PIBF1: variants seen among roughly 807,000 people sequenced by gnomAD.
PIBF1 encodes the protein progesterone-induced-blocking factor 1.
A neutral mutation model predicts 112.5 loss-of-function variants in PIBF1; 90 were observed. The observed-to-expected ratio is 0.80, with a 90% confidence interval of 0.67 to 0.95. The LOEUF is 0.95. Among genes scored for constraint, PIBF1 ranks in the 40% least tolerant of loss-of-function variants. PIBF1 has a pLI of 0.00. For synonymous variants in PIBF1, 301 were observed against 288.6 expected (o/e 1.04, Z -0.44); for missense variants, 915 against 852.3 (o/e 1.07, Z -0.92).
chr13:72,949,852 T>G (rs1199533177), intron 14 of PIBF1, among the ~76,000 whole-genome samples: 1 of 152,220 alleles, frequency 6.6e-6, no homozygotes, highest in East Asian at 1.9e-4. Flanking sequence ...GATAAATGTG[T>G]AATATTTTCA....
chr13:72,912,932 T>C (rs960901506), intron 12 of PIBF1, among the ~76,000 whole-genome samples: 6 of 151,740 alleles, frequency 4.0e-5, no homozygotes, highest in Admixed American at 3.3e-4. Flanking sequence ...ACTATATGAT[T>C]ATAGTATATA....
At chr13:72,851,789 A>G (rs2038169956) in intron 9 of PIBF1, among the ~76,000 whole-genome samples, 1 of 152,176 alleles carries the variant, frequency 6.6e-6, no homozygotes, top group Non-Finnish European at 1.5e-5. Flanking sequence ...TGAAGCCCAC[A>G]AAAACCCCAG....
rs573448434 is a variant in PIBF1, at chr13:72,940,419, G to A, written c.1833+9152G>A. Among the ~76,000 whole-genome samples, 12 of 152,212 alleles carry A rather than the reference G, an allele frequency of 7.9e-5. No individual in the cohort carries two copies. The South Asian group carries it at 2.3e-3, about 29-fold the overall frequency. On this transcript the variant is annotated intron_variant, in intron 14 of 17. Transcript: ENST00000326291. ...TCTCAAACTTTATTTTCTGGAATAT[G>A]TGAAATATAATTTCAATAACTTTTT...
chr13:72,973,214 G>A (rs12584598), intron 15 of PIBF1, among the ~76,000 whole-genome samples: 31,777 of 151,446 alleles, frequency 0.21, 3,413 homozygotes, highest in Middle Eastern at 0.27. Flanking sequence ...TGAGGCTGTA[G>A]TTCATTGTTA....
intron 9 of PIBF1, among the ~76,000 whole-genome samples, chr13:72,835,868 G>A (rs1249629328): frequency 1.3e-5 from 2 of 152,134 alleles, no homozygotes; most frequent in African/African-American, 4.8e-5. Flanking sequence ...GGGAGGCCGA[G>A]GTGGGCAGAT....
At chr13:72,986,579 C>G (rs1462960912) in intron 16 of PIBF1, among the ~76,000 whole-genome samples, 1 of 151,940 alleles carries the variant, frequency 6.6e-6, no homozygotes, top group Non-Finnish European at 1.5e-5. Context: ...TGTAACAGCC[C>G]AATTGTCTCT....
At chr13:72,958,944 G>T (rs979233579) in intron 14 of PIBF1, among the ~76,000 whole-genome samples, 22 of 152,168 alleles carry the variant, frequency 1.4e-4, no homozygotes, top group African/African-American at 4.3e-4. Context: ...GATTCAGTAG[G>T]ACTGGGGCCC....
At chr13:73,003,650 G>T (rs1266081389) in intron 17 of PIBF1, among the ~76,000 whole-genome samples, 1 of 152,116 alleles carries the variant, frequency 6.6e-6, no homozygotes, top group East Asian at 1.9e-4. Context: ...CATTAAAACT[G>T]CTGCTCCTAT....
intron 8 of PIBF1, among the ~76,000 whole-genome samples, chr13:72,832,908 C>A (rs1280356350): frequency 1.7e-5 from 1 of 60,580 alleles, no homozygotes; most frequent in African/African-American, 8.0e-5. Context: ...GTACACCAAT[C>A]AAACGTATTT....
chr13:72,919,512 T>G (rs1020601181), intron 13 of PIBF1, among the ~76,000 whole-genome samples: 1 of 152,226 alleles, frequency 6.6e-6, no homozygotes, highest in Non-Finnish European at 1.5e-5. Context: ...TATCTGTTTC[T>G]TAGTCCAATG....
chr13:72,979,456 C>T (rs1481983049), intron 16 of PIBF1, among the ~76,000 whole-genome samples: 4 of 152,036 alleles, frequency 2.6e-5, no homozygotes, highest in Non-Finnish European at 5.9e-5. Flanking sequence ...TGAGCTCAGT[C>T]GTTAGAAGCT....
chr13:72,997,125 G>C (rs914360113), intron 16 of PIBF1, among the ~76,000 whole-genome samples: 6 of 152,156 alleles, frequency 3.9e-5, no homozygotes, highest in Non-Finnish European at 8.8e-5. Context: ...AATAGTGCTA[G>C]ATTGTTTTGG....
intron 17 of PIBF1, among the ~76,000 whole-genome samples, chr13:73,003,906 T>C (rs942823746): frequency 2.0e-5 from 3 of 152,026 alleles, no homozygotes; most frequent in African/African-American, 4.8e-5. Context: ...AGACAGGGTC[T>C]CACTGCATTG....
chr13:72,853,728 G>T (rs1312959616), intron 9 of PIBF1, among the ~76,000 whole-genome samples: 1 of 152,120 alleles, frequency 6.6e-6, no homozygotes, highest in Non-Finnish European at 1.5e-5. Flanking sequence ...CCAAACCTCA[G>T]TTTTCTAGTG....
At chr13:72,953,016 G>A (rs943477856) in intron 14 of PIBF1, among the ~76,000 whole-genome samples, 3 of 152,078 alleles carry the variant, frequency 2.0e-5, no homozygotes, top group Non-Finnish European at 4.4e-5. Context: ...ATACTTAATA[G>A]TGAGCAGAGC....
In PIBF1 at chr13:72,980,241, G is replaced by A. The variant is rs116945342; in HGVS notation, c.2049+6566G>A. Among the ~76,000 whole-genome samples the A allele has an allele frequency of 7.6e-3, 1,155 of 152,288 alleles. 14 individuals carry two copies. The highest frequency in any genetic ancestry group is 0.014 in the Middle Eastern group (4 of 294). On this transcript the variant is annotated intron_variant, in intron 16 of 17. Transcript: ENST00000326291. ...ATGGAAATAGAGTAAATGAACTAGT[G>A]AGACTATATAGAGTAAGAACAGAAA...
intron 8 of PIBF1, among the ~76,000 whole-genome samples, chr13:72,829,538 C>G (rs1469781654): frequency 6.6e-6 from 1 of 152,184 alleles, no homozygotes; most frequent in East Asian, 1.9e-4. Flanking sequence ...AATAGGGAAT[C>G]TTTTCCCCAT....
intron 5 of PIBF1, among the ~76,000 whole-genome samples, chr13:72,800,522 G>C (rs956458430): frequency 1.3e-5 from 2 of 152,160 alleles, no homozygotes; most frequent in African/African-American, 2.4e-5. Flanking sequence ...AAAACAGTCT[G>C]TCTCCTATCT....
intron 14 of PIBF1, among the ~76,000 whole-genome samples, chr13:72,934,114 A>G (rs2041793495): frequency 6.6e-6 from 1 of 152,144 alleles, no homozygotes; most frequent in Non-Finnish European, 1.5e-5. Context: ...TAAAATATTT[A>G]AAGTATTCTA....
Sources: allele counts gnomAD v4.1 joint callset (sites outside exome capture counted in the v4.1 genomes callset), GRCh38; gene constraint gnomAD v4.1.1; transcripts MANE v1.5; gene names NCBI Gene and HGNC (gene_info 2026-07-23, HGNC 2026-07-21).